SKP2: variants seen among roughly 807,000 people sequenced by gnomAD.
SKP2 encodes S-phase kinase-associated protein 2.
In SKP2, 16 loss-of-function variants were observed where a neutral mutation model predicts 51.8. The ratio of observed to expected loss-of-function variants is 0.31; its 90% CI spans 0.21 to 0.47. SKP2 has a LOEUF of 0.47. Ranked by LOEUF, SKP2 falls within the 20% of genes least tolerant of loss-of-function variation. The pLI is 1.00. For missense variants in SKP2, 377 were observed against 505.3 expected, an observed-to-expected ratio of 0.75 and a Z score of 2.43; for synonymous variants, 176 against 198.6, an observed-to-expected ratio of 0.89 and a Z score of 0.96.
intron 6 of SKP2, among the ~76,000 whole-genome samples, chr5:36,170,720 A>G (rs949930925): frequency 6.6e-6 from 1 of 152,236 alleles, no homozygotes; most frequent in Non-Finnish European, 1.5e-5. Flanking sequence ...GTATGGTTGT[A>G]AGAAATTTGC....
At chr5:36,173,315 C>G (rs1745532348) in intron 7 of SKP2, among the ~76,000 whole-genome samples, 1 of 152,108 alleles carries the variant, frequency 6.6e-6, no homozygotes, top group South Asian at 2.1e-4. Flanking sequence ...AGGATAGATT[C>G]TTAAAAGTGG....
At chr5:36,152,481 C>G (rs1744767769) in intron 1 of SKP2, among the ~76,000 whole-genome samples, 1 of 152,178 alleles carries the variant, frequency 6.6e-6, no homozygotes, top group South Asian at 2.1e-4. Context: ...GGCTTTTCTG[C>G]CACCGTTTTC....
chr5:36,166,422 G>A, intron 3 of SKP2, 97 bp from the exon 4 acceptor site: 1 of 994,632 alleles, frequency 1.0e-6, no homozygotes, highest in African/African-American at 1.6e-5. Flanking sequence ...GCTTCAAGGA[G>A]ATTTAGCAGC....
At chr5:36,167,655 G>A (rs560232552) in intron 4 of SKP2, among the ~76,000 whole-genome samples, 11 of 151,806 alleles carry the variant, frequency 7.2e-5, no homozygotes, top group African/African-American at 2.7e-4. Context: ...GAGTCTTGCT[G>A]TGTCACCCAG....
At chr5:36,167,147 G>GA (rs1745313019) in intron 4 of SKP2, among the ~76,000 whole-genome samples, 1 of 152,032 alleles carries the variant, frequency 6.6e-6, no homozygotes, top group Non-Finnish European at 1.5e-5. Flanking sequence ...AGAATATTTT[G>GA]AAAAAGAATT....
chr5:36,177,318 T>A (rs1266009461), intron 9 of SKP2, 26 bp downstream of exon 9: 3 of 1,355,854 alleles, frequency 2.2e-6, no homozygotes, highest in Non-Finnish European at 3.2e-6. Flanking sequence ...TTTTAATGCT[T>A]AATAGAAGGC....
chr5:36,173,039 G>T (rs371157157), intron 7 of SKP2, among the ~76,000 whole-genome samples: 1 of 150,618 alleles, frequency 6.6e-6, no homozygotes, highest in Non-Finnish European at 1.5e-5. Context: ...GCTTTTTCCT[G>T]TACAAAAACT....
At chr5:36,187,090 T>G (rs1745962581), downstream of SKP2, among the ~76,000 whole-genome samples, 1 of 152,182 alleles carries the variant, frequency 6.6e-6, no homozygotes, top group Non-Finnish European at 1.5e-5. Flanking sequence ...GGTGGTGATA[T>G]CCCCTTTATC....
Position 36,175,265 on chromosome 5 carries a change from T to G in SKP2, c.902-1700T>G, listed in dbSNP as rs551313896. Among the ~76,000 whole-genome samples, 9 of 152,258 alleles carry G rather than the reference T, an allele frequency of 5.9e-5. 1 individual carries two copies. The South Asian group carries it at 1.7e-3, about 28-fold the overall frequency. On this transcript the variant is annotated intron_variant, in intron 7 of 9. Transcript: ENST00000274255. ...GCTGAAGCCACTGGATTCGTGAAAT[T>G]ATCACTTGCTGAGATGGGAAAGAGT...
chr5:36,160,354 C>G (rs1444936764), intron 2 of SKP2, among the ~76,000 whole-genome samples: 3 of 152,218 alleles, frequency 2.0e-5, no homozygotes, highest in South Asian at 2.1e-4. Flanking sequence ...GAGGCCACTT[C>G]CTCCAGGAAG....
intron 6 of SKP2, 124 bp downstream of exon 6, chr5:36,170,566 A>G (rs977022222): frequency 1.7e-6 from 1 of 579,816 alleles, no homozygotes; most frequent in African/African-American, 1.9e-5. Context: ...GATTTGGTGA[A>G]TGCAAAATCT....
intron 4 of SKP2, among the ~76,000 whole-genome samples, chr5:36,167,494 T>A (rs33664): frequency 0.032 from 4,914 of 152,268 alleles, 155 homozygotes; most frequent in African/African-American, 0.077. Context: ...GGACTCTCAG[T>A]TCCTCATCTA....
Position 36,166,527 on chromosome 5 carries a change from A to C in SKP2, c.401A>C (p.Glu134Ala). 1 of 1,613,920 alleles carries C rather than the reference A, an allele frequency of 6.2e-7. No individual in the cohort carries two copies. The highest frequency in any genetic ancestry group is 8.5e-7 in the Non-Finnish European group (1 of 1,179,922). The change falls in exon 4 of 10, where the codon GAG becomes GCG. Residue 134 changes from glutamate to alanine, a missense_variant. Physicochemically the swap from Glu to Ala is moderately radical, Grantham distance 107 (BLOSUM62 -1). Coordinates refer to ENST00000274255, the MANE Select transcript of SKP2 (RefSeq NM_005983.4). ...CKRWYRLASDESLWQTLDLTG... is the reference protein window; with the variant it reads ...CKRWYRLASDASLWQTLDLTG... ...TATCTCCTCTTTTATAGGTCTGATG[A>C]GTCTCTATGGCAGACCTTAGACCTC...
chr5:36,165,620 C>T (rs1745258874), intron 3 of SKP2, among the ~76,000 whole-genome samples: 1 of 152,072 alleles, frequency 6.6e-6, no homozygotes, highest in African/African-American at 2.4e-5. Flanking sequence ...ATCTACAGTC[C>T]ACCTTTTTAA....
In SKP2 at chr5:36,182,064, G is replaced by T; in HGVS notation, c.*33G>T. On this transcript the variant is annotated 3_prime_UTR_variant, in exon 10 of 10. Transcript: ENST00000274255. The stretch of plus-strand genomic sequence containing the variant: ...ATTGCAGGATGGTGTCTCTTCTTTA[G>T]AACAGGGAAAATAGGCAGGAAGCCC... 1.2e-6 allele frequency: 2 copies of T among 1,606,532 alleles called. No homozygotes were observed. The highest frequency in any genetic ancestry group is 1.1e-5 in the South Asian group (1 of 90,462).
intron 7 of SKP2, among the ~76,000 whole-genome samples, chr5:36,174,778 A>G (rs1745578840): frequency 6.6e-6 from 1 of 152,144 alleles, no homozygotes; most frequent in South Asian, 2.1e-4. Context: ...TACTGGACCC[A>G]GAGAACTGAC....
At chr5:36,169,976 A>G (rs1745416301) in intron 5 of SKP2, among the ~76,000 whole-genome samples, 1 of 152,250 alleles carries the variant, frequency 6.6e-6, no homozygotes, top group Non-Finnish European at 1.5e-5. Context: ...TGGTGATTTT[A>G]CAAGTAGATG....
At chr5:36,161,292 TAAAA>T (rs5867306) in intron 2 of SKP2, among the ~76,000 whole-genome samples, 2 of 140,856 alleles carry the variant, frequency 1.4e-5, no homozygotes, top group Non-Finnish European at 3.0e-5. Context: ...CAAAAATTGT[TAAAA>T]AAAAAAAAAA....
chr5:36,182,527 T>A lies in SKP2; in HGVS notation c.*496T>A, dbSNP rs913565821. ...GATAGTAGCGTCTGAGGCCATCTTTTCTAGGAATAGGAAAGAGAAAAATGT... is the reference window on the plus strand; with the variant it reads ...GATAGTAGCGTCTGAGGCCATCTTTACTAGGAATAGGAAAGAGAAAAATGT... On this transcript the variant is annotated 3_prime_UTR_variant, in exon 10 of 10. Coordinates refer to ENST00000274255, the MANE Select transcript of SKP2 (RefSeq NM_005983.4). 1.6e-5 allele frequency: 16 copies of A among 985,290 alleles called. No individual in the cohort carries two copies. In the African/African-American group the frequency reaches 2.8e-4, roughly 17 times the overall value. The allele number at this position is 985,290 out of a possible 1,614,324, so 61.0% of individuals were successfully genotyped here. A position where few individuals can be genotyped will look rare whatever the true frequency, so the allele number is the denominator to read the frequency against.
Sources: gnomAD v4.1 joint callset for allele counts (sites outside exome capture counted in the v4.1 genomes callset) on GRCh38, gnomAD v4.1.1 for gene constraint, MANE v1.5 for transcripts, NCBI Gene and HGNC (gene_info 2026-07-23, HGNC 2026-07-21) for gene names.